FRMD6: variants seen among roughly 807,000 people sequenced by gnomAD.
The protein encoded by FRMD6 is FERM domain containing 6.
A neutral mutation model predicts 73.2 loss-of-function variants in FRMD6; 37 were observed. The ratio of observed to expected loss-of-function variants is 0.51; its 90% CI spans 0.39 to 0.66. FRMD6 has a LOEUF of 0.66. Ranked by LOEUF, FRMD6 falls within the 30% of genes least tolerant of loss-of-function variation. FRMD6 has a pLI of 0.00. For synonymous variants in FRMD6, 273 were observed against 282.2 expected, an observed-to-expected ratio of 0.97 and a Z score of 0.33; for missense variants, 714 against 780.5, an observed-to-expected ratio of 0.91 and a Z score of 1.02.
intron 11 of FRMD6, among the ~76,000 whole-genome samples, chr14:51,721,724 G>GGA (rs1566598294): frequency 1.3e-4 from 11 of 85,070 alleles, no homozygotes; most frequent in African/African-American, 6.1e-4. Context: ...GGAAGGGAGG[G>GGA]AGGAAGGGAG....
chr14:51,563,254 AG>A (rs5808618), intron 1 of FRMD6, among the ~76,000 whole-genome samples: 27,068 of 152,212 alleles, frequency 0.18, 2,627 homozygotes, highest in South Asian at 0.29. Flanking sequence ...TCCAGATTCA[AG>A]GGGCAGAGTG....
intron 1 of FRMD6, among the ~76,000 whole-genome samples, chr14:51,684,892 T>C (rs369867396): frequency 6.5e-4 from 99 of 152,188 alleles, no homozygotes; most frequent in African/African-American, 2.3e-3. Context: ...GTGACCCTCC[T>C]CTGAGAAGAG....
In FRMD6 at chr14:51,622,164, C is replaced by T. The variant is rs1890950490; in HGVS notation, c.-147+51754C>T. ...GTGGCTAAGACTTGTAGGATGTTGT[C>T]TGTGCAGAACAAAAGCCAGATTCCA... On this transcript the variant is annotated intron_variant, in intron 2 of 14. Coordinates refer to the FRMD6 transcript ENST00000356218. Among the ~76,000 whole-genome samples, 2 of 152,170 alleles carry T rather than the reference C, an allele frequency of 1.3e-5. 1 individual carries two copies. The highest frequency in any genetic ancestry group is 2.9e-5 in the Non-Finnish European group (2 of 68,040).
At chr14:51,629,521 ACTT>A (rs1594625770) in intron 2 of FRMD6, among the ~76,000 whole-genome samples, 3 of 152,210 alleles carry the variant, frequency 2.0e-5, no homozygotes, top group Non-Finnish European at 4.4e-5. Context: ...CCTTGTCAAC[ACTT>A]CTTATTGTCT....
intron 1 of FRMD6, among the ~76,000 whole-genome samples, chr14:51,569,879 G>C (rs547546193): frequency 6.6e-6 from 1 of 151,052 alleles, no homozygotes; most frequent in Admixed American, 6.6e-5. Flanking sequence ...GCAGTGGCGC[G>C]ATCTCGGCTC....
chr14:51,494,100 G>A (rs1299815421), intron 1 of FRMD6, among the ~76,000 whole-genome samples: 1 of 150,902 alleles, frequency 6.6e-6, no homozygotes, highest in African/African-American at 2.5e-5. Flanking sequence ...ACACAAACAT[G>A]CAGACAATAT....
chr14:51,482,818 A>G, the FRMD6 span, among the ~76,000 whole-genome samples: 1 of 152,064 alleles, frequency 6.6e-6, no homozygotes, highest in East Asian at 1.9e-4. Context: ...CTCCTGCCTC[A>G]GCCTCCCGAG....
chr14:51,524,558 TA>T (rs1242136418), intron 1 of FRMD6, among the ~76,000 whole-genome samples: 1 of 152,148 alleles, frequency 6.6e-6, no homozygotes, highest in Admixed American at 6.5e-5. Flanking sequence ...CTTTGTTGTT[TA>T]AAGAAAGACT....
At chr14:51,516,367 A>T (rs1884639517) in intron 1 of FRMD6, among the ~76,000 whole-genome samples, 1 of 152,062 alleles carries the variant, frequency 6.6e-6, no homozygotes, top group Non-Finnish European at 1.5e-5. Context: ...GAGTGCAGTG[A>T]TGCATTGATT....
the FRMD6 span, among the ~76,000 whole-genome samples, chr14:51,460,262 A>G: frequency 6.6e-6 from 1 of 152,198 alleles, no homozygotes; most frequent in Admixed American, 6.5e-5. Context: ...ATGAACCACG[A>G]GAGGGAACTG....
chr14:51,530,163 C>T (rs1471747977), intron 1 of FRMD6, among the ~76,000 whole-genome samples: 4 of 152,184 alleles, frequency 2.6e-5, no homozygotes, highest in African/African-American at 7.2e-5. Context: ...AATTATTTTA[C>T]TGCATTTTGC....
At chr14:51,599,108 G>A (rs1437803178) in intron 2 of FRMD6, among the ~76,000 whole-genome samples, 1 of 135,598 alleles carries the variant, frequency 7.4e-6, no homozygotes, top group Non-Finnish European at 1.5e-5. Flanking sequence ...TCTGACTGGT[G>A]TGAGGTGGTA....
intron 1 of FRMD6, among the ~76,000 whole-genome samples, chr14:51,679,475 T>A (rs1261471778): frequency 6.6e-6 from 1 of 150,998 alleles, no homozygotes; most frequent in Non-Finnish European, 1.5e-5. Flanking sequence ...AGGATCACTT[T>A]CATTTGTCGT....
At position 51,604,161 on chromosome 14, in the gene FRMD6, C is replaced by A. The variant is rs1408314495; in HGVS notation, c.-147+33751C>A. ...AGACCGCTAGATTGCTGGGTGGGGG[C>A]AGAATGTCTGCATGTGTGTGATGGT... On this transcript the variant is annotated intron_variant, in intron 2 of 14. Transcript: ENST00000356218. 2.0e-5 allele frequency among the ~76,000 whole-genome samples: 3 copies of A among 152,096 alleles called. No homozygotes were observed. In the South Asian group the frequency reaches 6.2e-4, roughly 32 times the overall value.
intron 1 of FRMD6, among the ~76,000 whole-genome samples, chr14:51,654,307 G>C (rs1566533840): frequency 7.1e-6 from 1 of 140,472 alleles, no homozygotes. Flanking sequence ...AGCTGAATTG[G>C]GGGGGGGGTC....
intron 1 of FRMD6, among the ~76,000 whole-genome samples, chr14:51,497,423 T>G (rs1371953840): frequency 6.6e-6 from 1 of 152,146 alleles, no homozygotes; most frequent in African/African-American, 2.4e-5. Context: ...TATCATATTA[T>G]TATTCCCTCT....
At chr14:51,524,436 C>G (rs8014586) in intron 1 of FRMD6, among the ~76,000 whole-genome samples, 87,147 of 151,670 alleles carry the variant, frequency 0.57, 26,005 homozygotes, top group African/African-American at 0.72. Context: ...TTGCGGGGAG[C>G]GGGACCTCTG....
chr14:51,471,361 C>T, the FRMD6 span, among the ~76,000 whole-genome samples: 10 of 152,000 alleles, frequency 6.6e-5, no homozygotes, highest in South Asian at 2.1e-4. Context: ...ATTAGCCGGG[C>T]GTGGTGGCAG....
At chr14:51,660,768 G>C (rs1282732375) in intron 1 of FRMD6, among the ~76,000 whole-genome samples, 1 of 152,162 alleles carries the variant, frequency 6.6e-6, no homozygotes, top group Non-Finnish European at 1.5e-5. Flanking sequence ...GGAGTGCTGG[G>C]GGAGGGAGGC....
Sources: allele counts gnomAD v4.1 joint callset (sites outside exome capture counted in the v4.1 genomes callset), GRCh38; gene constraint gnomAD v4.1.1; transcripts MANE v1.5; gene names NCBI Gene and HGNC (gene_info 2026-07-23, HGNC 2026-07-21).